The following DCBLD1 variants were observed in gnomAD, a reference collection of about 807,000 sequenced individuals.
DCBLD1 encodes the protein discoidin, CUB and LCCL domain containing 1, also known as discoidin, CUB and LCCL domain-containing protein 1.
Under a neutral mutation model 71.5 loss-of-function variants are expected in DCBLD1, and 57 were observed. The ratio of observed to expected loss-of-function variants is 0.80; its 90% confidence interval spans 0.64 to 0.99. The LOEUF is 0.99. Ranked by LOEUF, DCBLD1 falls within the 50% of genes least tolerant of loss-of-function variation. DCBLD1 has a pLI of 0.00. For synonymous variants in DCBLD1, 380 were observed against 363.8 expected, an observed-to-expected ratio of 1.04 and a Z score of -0.51; for missense variants, 891 against 923.5, an observed-to-expected ratio of 0.96 and a Z score of 0.46.
At chr6:117,537,533 CAAA>C (rs201862651) in intron 7 of DCBLD1, among the ~76,000 whole-genome samples, 4 of 92,598 alleles carry the variant, frequency 4.3e-5, no homozygotes, top group Admixed American at 1.1e-4. Flanking sequence ...GACTCCATCT[CAAA>C]AAAAAAAAAA....
intron 1 of DCBLD1, among the ~76,000 whole-genome samples, chr6:117,489,234 A>C (rs1220711345): frequency 1.3e-5 from 2 of 152,182 alleles, no homozygotes; most frequent in Non-Finnish European, 2.9e-5. Flanking sequence ...TGTGCATCAC[A>C]TAGTGAGAGA....
intron 1 of DCBLD1, among the ~76,000 whole-genome samples, chr6:117,500,555 A>G (rs1777621107): frequency 6.6e-6 from 1 of 152,034 alleles, no homozygotes; most frequent in South Asian, 2.1e-4. Flanking sequence ...AAAGAAATAC[A>G]ATTACAGGGC....
chr6:117,512,653 G>T (rs1311533015), intron 2 of DCBLD1, among the ~76,000 whole-genome samples: 1 of 152,144 alleles, frequency 6.6e-6, no homozygotes, highest in Non-Finnish European at 1.5e-5. Flanking sequence ...ATTCCATGTG[G>T]CTGTCTCCAC....
chr6:117,517,555 C>T (rs952728825), intron 2 of DCBLD1, among the ~76,000 whole-genome samples: 9 of 152,222 alleles, frequency 5.9e-5, no homozygotes, highest in African/African-American at 2.2e-4. Flanking sequence ...TTCCCTTCTG[C>T]ACTACCCAAG....
chr6:117,503,010 C>G (rs986108506), intron 1 of DCBLD1, among the ~76,000 whole-genome samples: 2 of 152,160 alleles, frequency 1.3e-5, no homozygotes, highest in African/African-American at 4.8e-5. Context: ...GTTTAGACCC[C>G]TGATGTATAT....
chr6:117,548,368 A>T lies in DCBLD1; in HGVS notation c.2077A>T (p.Ser693Cys). The T allele has an allele frequency of 1.3e-6, 2 of 1,550,662 alleles. No individual in the cohort carries two copies. The highest frequency in any genetic ancestry group is 3.9e-5 in the Admixed American group (2 of 50,994). ...GAAGCCCCCAACGCATCCCGGGACGAGTGACAGCTATTCTGCCCCCAGAGA... is the reference window on the plus strand; with the variant it reads ...GAAGCCCCCAACGCATCCCGGGACGTGTGACAGCTATTCTGCCCCCAGAGA... ...SQKPPTHPGT[S>C]DSYSAPRDCL... The change falls in exon 15 of 15, where the codon AGT becomes TGT. Residue 693 changes from serine to cysteine, a missense_variant. Ser to Cys is a moderately radical substitution (Grantham distance 112, BLOSUM62 -1). Transcript: ENST00000338728.
chr6:117,549,289 T>C lies in DCBLD1; in HGVS notation c.*850T>C. 1.0e-6 allele frequency: 1 copy of C among 985,432 alleles called. No individual in the cohort carries two copies. The highest frequency in any genetic ancestry group is 1.2e-6 in the Non-Finnish European group (1 of 829,932). The allele number at this position is 985,432 out of a possible 1,614,324, so 61.0% of individuals were successfully genotyped here. On this transcript the variant is annotated 3_prime_UTR_variant, in exon 15 of 15. Transcript: ENST00000338728. ...TGACTTTCTTCAGAAGTAGCACATT[T>C]TCGTGACTTCCGCTGTCCTCTGAAA...
At chr6:117,551,209 G>A (rs923088321), downstream of DCBLD1, among the ~76,000 whole-genome samples, 7 of 152,180 alleles carry the variant, frequency 4.6e-5, no homozygotes, top group East Asian at 1.9e-4. Flanking sequence ...TGTTCACATT[G>A]CTCAGGACTT....
intron 12 of DCBLD1, chr6:117,544,309 C>G (rs1779193398): frequency 4.2e-6 from 2 of 471,524 alleles, no homozygotes; most frequent in East Asian, 6.7e-5. Flanking sequence ...AGTATATATT[C>G]TTCTAGTGAA....
downstream of DCBLD1, among the ~76,000 whole-genome samples, chr6:117,550,998 C>G (rs1382558245): frequency 6.6e-6 from 1 of 152,172 alleles, no homozygotes; most frequent in Non-Finnish European, 1.5e-5. Flanking sequence ...AAACACAGCC[C>G]ATGCAGTCAC....
downstream of DCBLD1, among the ~76,000 whole-genome samples, chr6:117,552,025 C>G (rs1779435562): frequency 6.6e-6 from 1 of 152,008 alleles, no homozygotes; most frequent in Non-Finnish European, 1.5e-5. Flanking sequence ...ACTGGGGAGG[C>G]GGGAGGATCA....
intron 1 of DCBLD1, among the ~76,000 whole-genome samples, chr6:117,487,189 A>C (rs1267402666): frequency 6.6e-6 from 1 of 152,090 alleles, no homozygotes; most frequent in Non-Finnish European, 1.5e-5. Context: ...CCTTCCTCCT[A>C]CTAGATTATA....
chr6:117,566,998 G>C (rs201443939), intron 14 of DCBLD1: 1 of 1,606,016 alleles, frequency 6.2e-7, no homozygotes, highest in Non-Finnish European at 8.5e-7. Flanking sequence ...TCCACTTCAG[G>C]AGCCACATAA....
chr6:117,538,303 A>G (rs1374149293), intron 7 of DCBLD1, among the ~76,000 whole-genome samples: 4 of 152,214 alleles, frequency 2.6e-5, no homozygotes, highest in Admixed American at 6.5e-5. Context: ...TTTAACACAG[A>G]TTGCATTTTG....
chr6:117,504,335 G>A (rs1245719329), intron 2 of DCBLD1, among the ~76,000 whole-genome samples: 1 of 152,172 alleles, frequency 6.6e-6, no homozygotes, highest in East Asian at 1.9e-4. Flanking sequence ...ACTCTGTCAG[G>A]AACTGGGATG....
chr6:117,506,579 C>A (rs993878847), intron 2 of DCBLD1, among the ~76,000 whole-genome samples: 8 of 152,218 alleles, frequency 5.3e-5, no homozygotes, highest in South Asian at 2.1e-4. Flanking sequence ...GTTAAATAAA[C>A]CCCTGGTCTG....
chr6:117,490,093 GCACACACACA>G lies in DCBLD1; in HGVS notation c.112+7222_112+7231del, dbSNP rs34912807. Among the ~76,000 whole-genome samples the G allele has an allele frequency of 2.2e-4, 32 of 147,312 alleles. No homozygotes were observed. In the East Asian group the frequency reaches 2.2e-3, roughly 10 times the overall value. On this transcript the variant is annotated intron_variant, in intron 1 of 14. Coordinates refer to ENST00000338728, the MANE Select transcript of DCBLD1 (RefSeq NM_001366458.2). ...TAGTTCTATATATTTTTATGTAAATGCACACACACACACACACACACACACACACACCCCT... is the reference window on the plus strand; with the variant it reads ...TAGTTCTATATATTTTTATGTAAATGCACACACACACACACACACACCCCT...
intron 1 of DCBLD1, among the ~76,000 whole-genome samples, chr6:117,487,717 G>A (rs945310261): frequency 6.6e-5 from 10 of 152,130 alleles, no homozygotes; most frequent in African/African-American, 2.4e-4. Context: ...CTGAAAGTAC[G>A]TATGTAAAAT....
intron 8 of DCBLD1, 105 bp downstream of exon 8, chr6:117,538,940 C>A: frequency 1.7e-6 from 2 of 1,149,752 alleles, no homozygotes; most frequent in Non-Finnish European, 1.2e-6. Context: ...TCTCTACCTA[C>A]CTCCAAGTTC....
Sources: allele counts gnomAD v4.1 joint callset (sites outside exome capture counted in the v4.1 genomes callset), GRCh38; gene constraint gnomAD v4.1.1; transcripts MANE v1.5; gene names NCBI Gene and HGNC (gene_info 2026-07-23, HGNC 2026-07-21).